Variants in SCARB1 observed in about 807,000 individuals in gnomAD.
SCARB1 encodes the protein scavenger receptor class B member 1.
A neutral mutation model predicts 57.2 loss-of-function variants in SCARB1; 30 were observed. The observed-to-expected ratio is 0.52, with a 90% confidence interval of 0.39 to 0.71. The LOEUF is 0.71. SCARB1 is among the 30% of genes least tolerant of loss of function. SCARB1 has a pLI of 0.00. For missense variants in SCARB1, 543 were observed against 671.2 expected (o/e 0.81, Z 2.11); for synonymous variants, 249 against 268.3 (o/e 0.93, Z 0.70).
chr12:124,792,020 T>C (rs950433602), intron 9 of SCARB1, among the ~76,000 whole-genome samples: 1 of 151,424 alleles, frequency 6.6e-6, no homozygotes, highest in Non-Finnish European at 1.5e-5. Flanking sequence ...CCTTGTTAAG[T>C]AGGGTATTGC....
At chr12:124,841,867 C>T (rs1951923248) in intron 1 of SCARB1, among the ~76,000 whole-genome samples, 1 of 152,212 alleles carries the variant, frequency 6.6e-6, no homozygotes, top group Admixed American at 6.5e-5. Flanking sequence ...CCATGTGCTT[C>T]TCCATGGCCC....
intron 12 of SCARB1, among the ~76,000 whole-genome samples, chr12:124,781,427 G>T (rs838887): frequency 6.6e-6 from 1 of 151,902 alleles, no homozygotes; most frequent in Non-Finnish European, 1.5e-5. Context: ...GAGGCACCAC[G>T]GTAGAGCGAC....
At chr12:124,863,124 A>G (rs1433156883) in intron 1 of SCARB1, among the ~76,000 whole-genome samples, 1 of 152,186 alleles carries the variant, frequency 6.6e-6, no homozygotes, top group Non-Finnish European at 1.5e-5. Context: ...TGGGTCTCAC[A>G]GAAGGTTCCT....
intron 9 of SCARB1, among the ~76,000 whole-genome samples, chr12:124,792,078 T>A (rs982221465): frequency 1.3e-5 from 2 of 151,938 alleles, no homozygotes; most frequent in African/African-American, 4.8e-5. Flanking sequence ...CGAAACACGA[T>A]GGGGAGACAA....
At chr12:124,857,535 G>A (rs928718607) in intron 1 of SCARB1, among the ~76,000 whole-genome samples, 5 of 152,180 alleles carry the variant, frequency 3.3e-5, no homozygotes, top group East Asian at 1.9e-4. Flanking sequence ...TGGGGGTCGC[G>A]CCCGCCTCAT....
At chr12:124,834,107 C>T (rs1001185318) in intron 1 of SCARB1, among the ~76,000 whole-genome samples, 1 of 152,248 alleles carries the variant, frequency 6.6e-6, no homozygotes, top group Non-Finnish European at 1.5e-5. Context: ...AAGCCAGCTT[C>T]ATCCTCAGCC....
At chr12:124,781,294 G>A (rs1019597207) in intron 12 of SCARB1, among the ~76,000 whole-genome samples, 5 of 152,190 alleles carry the variant, frequency 3.3e-5, no homozygotes, top group African/African-American at 1.2e-4. Context: ...CAAAGAGTGG[G>A]GCTGCTGCCT....
chr12:124,833,858 C>T (rs768094474), intron 1 of SCARB1, among the ~76,000 whole-genome samples: 6 of 152,252 alleles, frequency 3.9e-5, no homozygotes, highest in Non-Finnish European at 5.9e-5. Context: ...TTGGCCTGAG[C>T]TGTCCTAAGA....
Position 124,800,101 on chromosome 12 carries a change from C to A in SCARB1, c.1128+23G>T, listed in dbSNP as rs377036064. 60 of 1,561,742 alleles carry A rather than the reference C, an allele frequency of 3.8e-5. No homozygotes were observed. The highest frequency in any genetic ancestry group is 6.8e-5 in the African/African-American group (5 of 73,566). ...CTCCAACCAGGAATCACCCACCCCC[C>A]ACAGAGGATGGCAGGGGCTCACCGG... On this transcript the variant is annotated intron_variant, in intron 8 of 12. Coordinates refer to ENST00000261693, the MANE Select transcript of SCARB1 (RefSeq NM_005505.5). This position sits in a 1 kb window ranked among gnomAD's most constrained non-coding sequence, Gnocchi z 4.8.
chr12:124,823,267 C>G (rs1951012345), intron 1 of SCARB1, among the ~76,000 whole-genome samples: 1 of 152,172 alleles, frequency 6.6e-6, no homozygotes, highest in South Asian at 2.1e-4. Flanking sequence ...TCACTAAAAC[C>G]CTTTTGAAAC....
chr12:124,856,842 G>A (rs569943554), intron 1 of SCARB1, among the ~76,000 whole-genome samples: 1 of 152,354 alleles, frequency 6.6e-6, no homozygotes, highest in East Asian at 1.9e-4. Context: ...CCCTGGGCTA[G>A]GAACAGGTGG....
rs951611385 is a variant in SCARB1 at position 124,817,415 on chromosome 12, C to T, written c.284+135G>A. The T allele has an allele frequency of 2.1e-5, 17 of 791,334 alleles. No homozygotes were observed. The highest frequency in any genetic ancestry group is 6.8e-5 in the Admixed American group (3 of 44,222). 49.0% of individuals were successfully genotyped at this position (791,334 alleles called of 1,614,324 possible). ...AAAACTTCTCTGGGACTAGCACTTA[C>T]CCCGACTATGACTTGCCTGCTTCCG... On this transcript the variant is annotated intron_variant, in intron 2 of 12. Coordinates refer to ENST00000261693, the MANE Select transcript of SCARB1 (RefSeq NM_005505.5). The surrounding 1 kb of genome is among the most constrained non-coding windows in gnomAD (Gnocchi z 4.8).
rs55951455 is a variant in SCARB1, at chr12:124,825,068, C to CA, written c.127-7362dup. On this transcript the variant is annotated intron_variant, in intron 1 of 12. Coordinates refer to ENST00000261693, the MANE Select transcript of SCARB1 (RefSeq NM_005505.5). Reference sequence around the variant, plus strand: ...TGAAACCCTGTCTCTACTAACAATACAAAAAAATTAGCCAGGCGTGGTGGC... The same window carrying CA: ...TGAAACCCTGTCTCTACTAACAATACAAAAAAAATTAGCCAGGCGTGGTGGC... Among the ~76,000 whole-genome samples, 974 of 151,616 alleles carry CA rather than the reference C, an allele frequency of 6.4e-3. 4 individuals carry two copies. Among genetic ancestry groups the CA allele is most frequent in the East Asian group, 0.011 (54 of 5,096 alleles).
Position 124,778,377 on chromosome 12 carries a change from C to T in SCARB1, c.*210G>A. The T allele has an allele frequency of 2.5e-6, 3 of 1,190,108 alleles. No individual in the cohort carries two copies. The highest frequency in any genetic ancestry group is 3.2e-6 in the Non-Finnish European group (3 of 943,888). The allele number at this position is 1,190,108 out of a possible 1,614,324, so 73.7% of individuals were successfully genotyped here. A position where few individuals can be genotyped will look rare whatever the true frequency, so the allele number is the denominator to read the frequency against. On this transcript the variant is annotated 3_prime_UTR_variant, in exon 13 of 13. Transcript: ENST00000261693. The stretch of plus-strand genomic sequence containing the variant: ...AAGTCCCTTCAGCAGCAGCTCCATC[C>T]CTGAGTGTCTGCACAAGCCTGCACG...
chr12:124,814,134 T>C lies in SCARB1; in HGVS notation c.630+68A>G. ...CTACAAAGCAAGCTGGTGACCAGTG[T>C]CCAGGCTGTGTGAGGGGAAGACAGG... On this transcript the variant is annotated intron_variant, in intron 4 of 12. Transcript: ENST00000261693. This position sits in a 1 kb window ranked among gnomAD's most constrained non-coding sequence, Gnocchi z 4.7. 1 of 1,452,138 alleles carries C rather than the reference T, an allele frequency of 6.9e-7. No homozygotes were observed. The highest frequency in any genetic ancestry group is 9.7e-7 in the Non-Finnish European group (1 of 1,033,712). The allele number at this position is 1,452,138 out of a possible 1,614,324, so 90.0% of individuals were successfully genotyped here. A position where few individuals can be genotyped will look rare whatever the true frequency, so the allele number is the denominator to read the frequency against.
rs1432498793 is a variant in SCARB1 at position 124,800,964 on chromosome 12, T to C, written c.1010-722A>G. Reference sequence around the variant, plus strand: ...GGCTTACACCTGTAATCCCAACACTTTGGGAGGCCTCAGCAGGCAGATGAC... The same window carrying C: ...GGCTTACACCTGTAATCCCAACACTCTGGGAGGCCTCAGCAGGCAGATGAC... On this transcript the variant is annotated intron_variant, in intron 7 of 12. Coordinates refer to ENST00000261693, the MANE Select transcript of SCARB1 (RefSeq NM_005505.5). The surrounding 1 kb of genome is among the most constrained non-coding windows in gnomAD (Gnocchi z 4.8). 6.6e-6 allele frequency among the ~76,000 whole-genome samples: 1 copy of C among 152,010 alleles called. No homozygotes were observed.
At chr12:124,797,713 G>A (rs1949990738) in intron 8 of SCARB1, among the ~76,000 whole-genome samples, 1 of 152,228 alleles carries the variant, frequency 6.6e-6, no homozygotes, top group African/African-American at 2.4e-5. Flanking sequence ...AGCCAGCAGA[G>A]CAAGAGAGGC....
chr12:124,848,546 C>T (rs1005859900), intron 1 of SCARB1, among the ~76,000 whole-genome samples: 1 of 152,158 alleles, frequency 6.6e-6, no homozygotes, highest in Non-Finnish European at 1.5e-5. Flanking sequence ...TAGGATGCAC[C>T]CAAAAGGCTC....
intron 9 of SCARB1, 126 bp downstream of exon 9, chr12:124,795,069 A>G (rs1337136652): frequency 9.6e-6 from 8 of 836,142 alleles, no homozygotes; most frequent in East Asian, 2.5e-5. Flanking sequence ...TCCACCCCCA[A>G]TAGGACCCTC....
Sources: gnomAD v4.1 joint callset for allele counts (sites outside exome capture counted in the v4.1 genomes callset) on GRCh38, gnomAD v4.1.1 for gene constraint, Gnocchi (gnomAD v3.1) non-coding constraint, MANE v1.5 for transcripts, NCBI Gene and HGNC (gene_info 2026-07-23, HGNC 2026-07-21) for gene names.